LDLRAD3: variants seen among roughly 807,000 people sequenced by gnomAD.
The protein encoded by LDLRAD3 is low density lipoprotein receptor class A domain containing 3, also known as low-density lipoprotein receptor class A domain-containing protein 3.
Under a neutral mutation model 29.4 loss-of-function variants are expected in LDLRAD3, and 20 were observed. That is an observed-to-expected ratio of 0.68 (90% confidence interval 0.48 to 0.99). The LOEUF is 0.99. Among genes scored for constraint, LDLRAD3 ranks in the 50% least tolerant of loss-of-function variants. The pLI is 0.00. For synonymous variants in LDLRAD3, 157 were observed against 192.7 expected (o/e 0.81, Z 1.53); for missense variants, 420 against 454.3 (o/e 0.92, Z 0.69).
intron 3 of LDLRAD3, 126 bp from the exon 4 acceptor site, chr11:36,098,201 T>G: frequency 8.7e-7 from 1 of 1,151,222 alleles, no homozygotes. Context: ...GGGCTTTGAG[T>G]CTGCCAGCTT....
intron 4 of LDLRAD3, among the ~76,000 whole-genome samples, chr11:36,171,509 A>C (rs150214334): frequency 6.6e-6 from 1 of 152,160 alleles, no homozygotes; most frequent in Non-Finnish European, 1.5e-5. Context: ...ATTCTTTTAC[A>C]TGAGGCTTGT....
At chr11:36,198,288 G>A (rs1016054296) in intron 4 of LDLRAD3, among the ~76,000 whole-genome samples, 3 of 151,692 alleles carry the variant, frequency 2.0e-5, no homozygotes, top group African/African-American at 7.3e-5. Context: ...CTTTCACATT[G>A]CATATAATTT....
chr11:36,117,578 C>A (rs1853692994), intron 4 of LDLRAD3, among the ~76,000 whole-genome samples: 1 of 152,192 alleles, frequency 6.6e-6, no homozygotes, highest in Non-Finnish European at 1.5e-5. Context: ...CTAGGACAAA[C>A]CTAAAACATC....
chr11:36,031,276 G>A (rs1313380755), intron 1 of LDLRAD3, among the ~76,000 whole-genome samples: 1 of 152,082 alleles, frequency 6.6e-6, no homozygotes, highest in African/African-American at 2.4e-5. Flanking sequence ...CACTAAGATG[G>A]GATAAATATT....
chr11:35,983,317 C>A (rs536163518), intron 1 of LDLRAD3, among the ~76,000 whole-genome samples: 1 of 152,120 alleles, frequency 6.6e-6, no homozygotes, highest in African/African-American at 2.4e-5. Context: ...TTAATTTTAC[C>A]TGTTCCTTTT....
chr11:35,964,049 G>C (rs1439056663), intron 1 of LDLRAD3, among the ~76,000 whole-genome samples: 1 of 152,186 alleles, frequency 6.6e-6, no homozygotes, highest in Non-Finnish European at 1.5e-5. Context: ...TGGAATTCCA[G>C]GATGGCGTGG....
rs371720202 is a variant in LDLRAD3 at position 36,227,321 on chromosome 11, G to A, written c.691G>A (p.Val231Ile). 17 of 1,614,032 alleles carry A rather than the reference G, an allele frequency of 1.1e-5. No homozygotes were observed. Among genetic ancestry groups the A allele is most frequent in the Admixed American group, 3.3e-5 (2 of 60,002 alleles). Reference sequence around the variant, plus strand: ...CCTGGACCACCCCCACCACTGCAACGTCACCTACAACGTCAATAATGGCAT... The same window carrying A: ...CCTGGACCACCCCCACCACTGCAACATCACCTACAACGTCAATAATGGCAT... ...VVLDHPHHCN[V>I]TYNVNNGIQY... The change falls in exon 5 of 6, where the codon GTC (valine) becomes ATC (isoleucine). Residue 231 changes from valine (V) to isoleucine (I), a missense_variant. This residue lies in a region of LDLRAD3 where 56 missense variants were observed against 92.2 expected (regional missense o/e 0.61). Coordinates refer to ENST00000315571, the MANE Select transcript of LDLRAD3 (RefSeq NM_174902.4).
intron 2 of LDLRAD3, among the ~76,000 whole-genome samples, chr11:36,058,925 A>G (rs115051404): frequency 0.022 from 3,375 of 152,268 alleles, 129 homozygotes; most frequent in African/African-American, 0.077. Context: ...GAGTTCATTC[A>G]CAGCTCTCTG....
chr11:36,123,857 C>T (rs1853796682), intron 4 of LDLRAD3, among the ~76,000 whole-genome samples: 1 of 152,200 alleles, frequency 6.6e-6, no homozygotes, highest in Non-Finnish European at 1.5e-5. Flanking sequence ...TTGGCTGAAG[C>T]CAGGCTGCCT....
intron 4 of LDLRAD3, among the ~76,000 whole-genome samples, chr11:36,191,535 C>CCT (rs1489463819): frequency 2.9e-3 from 154 of 53,744 alleles, no homozygotes; most frequent in Non-Finnish European, 3.9e-3. Flanking sequence ...AGAGCAAGAC[C>CCT]CTGTCTCTCT....
At chr11:36,097,952 A>G (rs1167050414) in intron 3 of LDLRAD3, among the ~76,000 whole-genome samples, 1 of 152,250 alleles carries the variant, frequency 6.6e-6, no homozygotes, top group East Asian at 1.9e-4. Context: ...GCCTGGTCTA[A>G]AAGTTAATGT....
chr11:36,187,216 G>A (rs1854864472), intron 4 of LDLRAD3, among the ~76,000 whole-genome samples: 1 of 152,008 alleles, frequency 6.6e-6, no homozygotes, highest in African/African-American at 2.4e-5. Flanking sequence ...AGTAACCTAT[G>A]CATATTATGA....
At chr11:36,053,202 G>A (rs1852553667) in intron 2 of LDLRAD3, among the ~76,000 whole-genome samples, 1 of 152,144 alleles carries the variant, frequency 6.6e-6, no homozygotes, top group South Asian at 2.1e-4. Context: ...AGACAAAAGA[G>A]TTGATTCCTA....
chr11:36,145,507 C>G (rs1339765671), intron 4 of LDLRAD3, among the ~76,000 whole-genome samples: 1 of 150,330 alleles, frequency 6.7e-6, no homozygotes, highest in African/African-American at 2.5e-5. Flanking sequence ...GGGAGGTGTA[C>G]TCAACAGCTC....
chr11:36,016,509 G>A (rs983497671), intron 1 of LDLRAD3, among the ~76,000 whole-genome samples: 3 of 152,154 alleles, frequency 2.0e-5, no homozygotes, highest in Non-Finnish European at 4.4e-5. Flanking sequence ...ATCTTTCTCT[G>A]TGTGTATGTA....
chr11:36,047,393 A>AT (rs1167046060), intron 2 of LDLRAD3, among the ~76,000 whole-genome samples: 2 of 152,050 alleles, frequency 1.3e-5, no homozygotes, highest in Non-Finnish European at 2.9e-5. Context: ...CGAGACACAC[A>AT]TTTTTTCCCC....
At chr11:36,171,796 G>T (rs1169953941) in intron 4 of LDLRAD3, among the ~76,000 whole-genome samples, 1 of 152,026 alleles carries the variant, frequency 6.6e-6, no homozygotes, top group Non-Finnish European at 1.5e-5. Context: ...TCTTTCTTTG[G>T]CTATGAGAGC....
rs539552325 is a variant in LDLRAD3, at chr11:36,031,379, AC to A, written c.47-4719del. ...GTAATTTACTTGTACAAATCCAGAC[AC>A]CCCCATGTCCCTTATTTTAACTATG... On this transcript the variant is annotated intron_variant, in intron 1 of 5. Coordinates refer to ENST00000315571, the MANE Select transcript of LDLRAD3 (RefSeq NM_174902.4). Among the ~76,000 whole-genome samples, 566 of 152,156 alleles carry A rather than the reference AC, an allele frequency of 3.7e-3. 4 individuals are homozygous for A. Among genetic ancestry groups the A allele is most frequent in the African/African-American group, 0.013 (547 of 41,500 alleles).
intron 2 of LDLRAD3, among the ~76,000 whole-genome samples, chr11:36,037,791 G>A (rs1852323638): frequency 6.6e-6 from 1 of 152,188 alleles, no homozygotes; most frequent in African/African-American, 2.4e-5. Flanking sequence ...GCCCTTCAGA[G>A]AAGTTTTTGG....
Sources: gnomAD v4.1 joint callset for allele counts (sites outside exome capture counted in the v4.1 genomes callset) on GRCh38, gnomAD v4.1.1 for gene constraint, gnomAD v4.1.1 regional missense constraint, MANE v1.5 for transcripts, NCBI Gene and HGNC (gene_info 2026-07-23, HGNC 2026-07-21) for gene names.